SLC16A3: variants seen among roughly 807,000 people sequenced by gnomAD.
SLC16A3 encodes the protein monocarboxylate transporter 4.
In SLC16A3, 22 loss-of-function variants were observed where a neutral mutation model predicts 25.0. The ratio of observed to expected loss-of-function variants is 0.88; its 90% CI spans 0.63 to 1.26. SLC16A3 has a LOEUF of 1.26. Ranked by LOEUF, SLC16A3 falls within the 50% of genes most tolerant of loss-of-function variation. The probability of loss-of-function intolerance (pLI) is 0.00; values close to 1 mark genes in which losing one functional copy is unlikely to be tolerated. For missense variants in SLC16A3, 731 were observed against 666.6 expected (o/e 1.10, Z -1.06); for synonymous variants, 390 against 309.2 (o/e 1.26, Z -2.74).
chr17:82,226,707 C>T (rs74989597), upstream of SLC16A3, among the ~76,000 whole-genome samples: 4,777 of 152,218 alleles, frequency 0.031, 75 homozygotes, highest in South Asian at 0.073. Context: ...ACTGCTGGGC[C>T]TTTCTAAAAG....
At chr17:82,223,756 C>T (rs1490009466), upstream of SLC16A3, among the ~76,000 whole-genome samples, 2 of 151,984 alleles carry the variant, frequency 1.3e-5, no homozygotes, top group African/African-American at 2.4e-5. Context: ...CAGAGAGGTC[C>T]CCACACTTCT....
At position 82,237,890 on chromosome 17, in the gene SLC16A3, G is replaced by C; in HGVS notation, c.1120G>C (p.Gly374Arg). 6.3e-7 allele frequency: 1 copy of C among 1,597,808 alleles called. No homozygotes were observed. Among genetic ancestry groups the C allele is most frequent in the African/African-American group, 1.3e-5 (1 of 75,002 alleles). Reference sequence around the variant, plus strand: ...GGCCGTGCTCGTCGGGCCCCCTTCGGGAGGTGAGCGCTGCGCCCCCAGGCA... The same window carrying C: ...GGCCGTGCTCGTCGGGCCCCCTTCGCGAGGTGAGCGCTGCGCCCCCAGGCA... ...AVAVLVGPPS[G>R]GKLLDATHVY... is the part of the protein sequence containing the mutation. The change falls in exon 4 of 5, where the codon GGA becomes CGA. Residue 374 changes from glycine (G) to arginine (R), a missense_variant. Transcript: ENST00000582743.
intron 4 of SLC16A3, 31 bp downstream of exon 4, chr17:82,237,924 C>T (rs2147134439): frequency 6.3e-7 from 1 of 1,585,848 alleles, no homozygotes; most frequent in East Asian, 2.2e-5. Context: ...CAGTTCCCCA[C>T]ACCTGCCCTT....
At chr17:82,236,437 T>C in intron 2 of SLC16A3, 7 of 632,472 alleles carry the variant, frequency 1.1e-5, no homozygotes, top group Non-Finnish European at 1.6e-5. Context: ...TCCTGGCCCC[T>C]GTCCAAACGG....
rs1426491568 is a variant in SLC16A3 at position 82,239,305 on chromosome 17, A to AGGGT, written c.*337_*340dup. 2 of 1,222 alleles carry AGGGT rather than the reference A, an allele frequency of 1.6e-3. No homozygotes were observed. Among genetic ancestry groups the AGGGT allele is most frequent in the African/African-American group, 8.4e-3 (2 of 238 alleles). The allele number at this position is 1,222 out of a possible 1,614,324, so 0.1% of individuals were successfully genotyped here. On this transcript the variant is annotated 3_prime_UTR_variant, in exon 5 of 5. Coordinates refer to ENST00000582743, the MANE Select transcript of SLC16A3 (RefSeq NM_004207.4). ...TTCGAGACAACGTGACTTTAATGGG[A>AGGGT]GGGTGGGTGGGCCGCAGACAGGCTG...
At position 82,237,659 on chromosome 17, in the gene SLC16A3, C is replaced by G. The variant is rs749743251; in HGVS notation, c.889C>G (p.Leu297Val). 2 of 1,612,970 alleles carry G rather than the reference C, an allele frequency of 1.2e-6. No individual in the cohort carries two copies. The highest frequency in any genetic ancestry group is 1.1e-5 in the South Asian group (1 of 91,090). The stretch of plus-strand genomic sequence containing the variant: ...GAAGGTGCGGCCCTACTCCGTCTAC[C>G]TCTTCAGCTTCTCCATGTTCTTCAA... ...LGKVRPYSVY[L>V]FSFSMFFNGL... Residue 297 changes from leucine to valine, a missense_variant, in exon 4 of 5, where the codon CTC becomes GTC. Physicochemically the swap from Leu to Val is conservative, Grantham distance 32. Coordinates refer to ENST00000582743, the MANE Select transcript of SLC16A3 (RefSeq NM_004207.4).
chr17:82,219,336 G>A (rs190506701), intron 1 of SLC16A3, among the ~76,000 whole-genome samples: 25 of 152,220 alleles, frequency 1.6e-4, no homozygotes, highest in Admixed American at 1.6e-3. Flanking sequence ...ACCTGGGAAG[G>A]TGCCCACCCA....
chr17:82,223,776 C>G (rs1044858439), upstream of SLC16A3, among the ~76,000 whole-genome samples: 3 of 152,164 alleles, frequency 2.0e-5, no homozygotes, highest in African/African-American at 7.2e-5. Flanking sequence ...TTTCTTTCCC[C>G]ACTTGACCAC....
chr17:82,227,449 C>G (rs575896848), upstream of SLC16A3, among the ~76,000 whole-genome samples: 86 of 152,214 alleles, frequency 5.6e-4, no homozygotes, highest in African/African-American at 2.1e-3. Context: ...GCACGGTACC[C>G]TCGCCTCCCC....
At chr17:82,227,248 G>A (rs1483902608), upstream of SLC16A3, among the ~76,000 whole-genome samples, 1 of 152,132 alleles carries the variant, frequency 6.6e-6, no homozygotes, top group Non-Finnish European at 1.5e-5. Context: ...CCTTCAGGAG[G>A]CAGGAGGGGG....
chr17:82,239,040 TTTTACAAAC>T lies in SLC16A3; in HGVS notation c.*66_*74del. 6.9e-7 allele frequency: 1 copy of T among 1,447,172 alleles called. No individual in the cohort carries two copies. Among genetic ancestry groups the T allele is most frequent in the Non-Finnish European group, 9.2e-7 (1 of 1,085,716 alleles). 89.6% of individuals were successfully genotyped at this position (1,447,172 alleles called of 1,614,324 possible). On this transcript the variant is annotated 3_prime_UTR_variant, in exon 5 of 5. Coordinates refer to ENST00000582743, the MANE Select transcript of SLC16A3 (RefSeq NM_004207.4). Reference sequence around the variant, plus strand: ...AGAAGCCGGCAACGCTTGCTATTTATTTTACAAACTGGACTGGCTCAGGCAGGGCCACGG... The same window carrying T: ...AGAAGCCGGCAACGCTTGCTATTTATTGGACTGGCTCAGGCAGGGCCACGG...
chr17:82,223,450 A>G (rs1303814129), upstream of SLC16A3, among the ~76,000 whole-genome samples: 2 of 152,086 alleles, frequency 1.3e-5, no homozygotes, highest in East Asian at 1.9e-4. Context: ...TGGCCTCTCA[A>G]AGTGCTGGGA....
chr17:82,223,189 TA>T (rs2050399918), intron 1 of SLC16A3, among the ~76,000 whole-genome samples: 1 of 150,558 alleles, frequency 6.6e-6, no homozygotes, highest in Non-Finnish European at 1.5e-5. Flanking sequence ...TTATTATTAT[TA>T]TTATTTCTGA....
upstream of SLC16A3, among the ~76,000 whole-genome samples, chr17:82,223,853 G>A (rs77209582): frequency 0.013 from 1,947 of 152,038 alleles, 28 homozygotes; most frequent in African/African-American, 0.044. Flanking sequence ...CATTGACCCT[G>A]TCTCAGTTCT....
upstream of SLC16A3, among the ~76,000 whole-genome samples, chr17:82,228,178 G>A (rs2050439472): frequency 6.6e-6 from 1 of 152,258 alleles, no homozygotes; most frequent in Non-Finnish European, 1.5e-5. Context: ...ACTCCCTGGA[G>A]CCACCTCAAA....
chr17:82,237,415 G>A lies in SLC16A3; in HGVS notation c.645G>A (p.Arg215=), dbSNP rs1568540151. ...QPGSGPPRPS[R]RLLDLSVFRD... ...GCTCGGGGCCGCCGCGACCCTCCCG[G>A]CGCCTGCTAGACCTGAGCGTCTTCC... Residue 215 remains arginine, a synonymous_variant, in exon 4 of 5, where the codon CGG becomes CGA. Coordinates refer to ENST00000582743, the MANE Select transcript of SLC16A3 (RefSeq NM_004207.4). The A allele has an allele frequency of 1.3e-6, 2 of 1,570,174 alleles. No homozygotes were observed. The highest frequency in any genetic ancestry group is 1.7e-6 in the Non-Finnish European group (2 of 1,158,460).
rs879668263 is a variant in SLC16A3 at position 82,239,677 on chromosome 17, G to GCCCA, written c.*703_*704insCACC. 31 of 331,006 alleles carry GCCCA rather than the reference G, an allele frequency of 9.4e-5. No individual in the cohort carries two copies. Among genetic ancestry groups the GCCCA allele is most frequent in the Non-Finnish European group, 1.4e-4 (26 of 183,142 alleles). 20.5% of individuals were successfully genotyped at this position (331,006 alleles called of 1,614,324 possible). A position where few individuals can be genotyped will look rare whatever the true frequency, so the allele number is the denominator to read the frequency against. ...GCCTGGAGGCCGCTGTGCCAGGGTG[G>GCCCA]CCTCTGAAATGTGCCAGGGAGCCCC... On this transcript the variant is annotated 3_prime_UTR_variant, in exon 5 of 5. Coordinates refer to ENST00000582743, the MANE Select transcript of SLC16A3 (RefSeq NM_004207.4).
intron 1 of SLC16A3, among the ~76,000 whole-genome samples, chr17:82,218,422 C>T (rs867167343): frequency 1.7e-3 from 49 of 28,100 alleles, no homozygotes; most frequent in African/African-American, 6.6e-3. Context: ...TCGGTCACTG[C>T]GGGGTGGACG....
upstream of SLC16A3, among the ~76,000 whole-genome samples, chr17:82,226,170 T>TG (rs2050420349): frequency 6.6e-6 from 1 of 150,436 alleles, no homozygotes; most frequent in Non-Finnish European, 1.5e-5. Context: ...AAAAGGAAGT[T>TG]GGGGCAGCCA....
Sources: allele counts gnomAD v4.1 joint callset (sites outside exome capture counted in the v4.1 genomes callset), GRCh38; gene constraint gnomAD v4.1.1; transcripts MANE v1.5; gene names NCBI Gene and HGNC (gene_info 2026-07-23, HGNC 2026-07-21).